Variants in LMX1A observed in about 807,000 individuals in gnomAD.
LMX1A encodes the protein LIM homeobox transcription factor 1 alpha.
Under a neutral mutation model 49.1 loss-of-function variants are expected in LMX1A, and 15 were observed. That is an observed-to-expected ratio of 0.31 (90% confidence interval 0.20 to 0.47). LMX1A has a LOEUF of 0.47. LMX1A is among the 20% of genes least tolerant of loss of function. LMX1A has a pLI of 1.00. For synonymous variants in LMX1A, 167 were observed against 185.7 expected (o/e 0.90, Z 0.82); for missense variants, 372 against 475.8 (o/e 0.78, Z 2.03).
chr1:165,298,055 C>A (rs533186591), intron 3 of LMX1A, among the ~76,000 whole-genome samples: 1 of 152,306 alleles, frequency 6.6e-6, no homozygotes, highest in East Asian at 1.9e-4. Flanking sequence ...GAAGAAGTAA[C>A]CTTACAGGAC....
intron 3 of LMX1A, among the ~76,000 whole-genome samples, chr1:165,259,013 C>T (rs1653342057): frequency 6.6e-6 from 1 of 152,188 alleles, no homozygotes; most frequent in Admixed American, 6.5e-5. Flanking sequence ...ACTAGCTGCT[C>T]TCAATAAGTA....
chr1:165,293,738 G>T (rs1253187685), intron 3 of LMX1A, among the ~76,000 whole-genome samples: 1 of 152,176 alleles, frequency 6.6e-6, no homozygotes, highest in East Asian at 1.9e-4. Flanking sequence ...TCTGGACAGT[G>T]CTTTCTTGCT....
chr1:165,249,056 A>G (rs1325458665), intron 4 of LMX1A, among the ~76,000 whole-genome samples: 2 of 152,164 alleles, frequency 1.3e-5, no homozygotes, highest in East Asian at 3.9e-4. Flanking sequence ...AACCTTGTCT[A>G]CAGGCTGGAG....
At chr1:165,241,729 C>T (rs1413702851) in intron 4 of LMX1A, among the ~76,000 whole-genome samples, 1 of 152,170 alleles carries the variant, frequency 6.6e-6, no homozygotes, top group African/African-American at 2.4e-5. Flanking sequence ...GAGTTAACTG[C>T]TGCTTCTCTA....
intron 4 of LMX1A, among the ~76,000 whole-genome samples, chr1:165,241,616 C>T (rs1403876902): frequency 1.3e-5 from 2 of 152,276 alleles, no homozygotes; most frequent in East Asian, 3.9e-4. Context: ...ATGAGACTTC[C>T]TCATAACTTC....
intron 3 of LMX1A, among the ~76,000 whole-genome samples, chr1:165,257,451 G>T (rs991253141): frequency 6.8e-6 from 1 of 146,052 alleles, no homozygotes; most frequent in African/African-American, 2.6e-5. Flanking sequence ...AAAAAAAAAA[G>T]TTGATCCCTT....
chr1:165,294,114 A>G (rs574179775), intron 3 of LMX1A, among the ~76,000 whole-genome samples: 1 of 152,322 alleles, frequency 6.6e-6, no homozygotes, highest in East Asian at 1.9e-4. Context: ...ATCAGTAGGG[A>G]CTAAGGTGGA....
At chr1:165,345,296 G>A (rs996649635) in intron 3 of LMX1A, among the ~76,000 whole-genome samples, 2 of 152,212 alleles carry the variant, frequency 1.3e-5, no homozygotes, top group Admixed American at 1.3e-4. Context: ...AATTAGAGAG[G>A]AAGCTGCTCC....
chr1:165,271,966 T>G (rs964791454), intron 3 of LMX1A, among the ~76,000 whole-genome samples: 1 of 152,234 alleles, frequency 6.6e-6, no homozygotes, highest in Non-Finnish European at 1.5e-5. Flanking sequence ...ATGGCTACCA[T>G]GTTGGACAGC....
At chr1:165,290,902 A>T (rs948472646) in intron 3 of LMX1A, among the ~76,000 whole-genome samples, 8 of 152,182 alleles carry the variant, frequency 5.3e-5, no homozygotes, top group Admixed American at 1.3e-4. Context: ...GGTGATTCTG[A>T]TGCACATAAT....
At chr1:165,280,292 CA>C (rs926275318) in intron 3 of LMX1A, among the ~76,000 whole-genome samples, 4 of 152,172 alleles carry the variant, frequency 2.6e-5, no homozygotes, top group African/African-American at 9.7e-5. Flanking sequence ...ACCTCGGACT[CA>C]GGGAGGCTTA....
At chr1:165,281,008 G>A (rs1275429404) in intron 3 of LMX1A, among the ~76,000 whole-genome samples, 1 of 152,104 alleles carries the variant, frequency 6.6e-6, no homozygotes, top group East Asian at 1.9e-4. Context: ...TCTGCAGAAG[G>A]TGGCACCATC....
At chr1:165,238,529 T>C (rs1274320696) in intron 4 of LMX1A, among the ~76,000 whole-genome samples, 2 of 150,324 alleles carry the variant, frequency 1.3e-5, no homozygotes, top group Non-Finnish European at 1.5e-5. Context: ...ATGAGAAGTA[T>C]AGTGATAGTG....
At chr1:165,266,446 T>C (rs1653619133) in intron 3 of LMX1A, among the ~76,000 whole-genome samples, 1 of 152,022 alleles carries the variant, frequency 6.6e-6, no homozygotes, top group Admixed American at 6.6e-5. Context: ...GAGCTGAGAT[T>C]AGAGAATTTA....
intron 3 of LMX1A, among the ~76,000 whole-genome samples, chr1:165,295,495 C>A (rs1358107147): frequency 1.4e-5 from 2 of 147,628 alleles, no homozygotes; most frequent in African/African-American, 4.9e-5. Context: ...GGAGACATAA[C>A]ATAATGACAT....
intron 3 of LMX1A, among the ~76,000 whole-genome samples, chr1:165,323,574 G>A (rs986458670): frequency 6.6e-6 from 1 of 152,264 alleles, no homozygotes; most frequent in East Asian, 1.9e-4. Flanking sequence ...CAGATGCCAC[G>A]TAAAGTCACC....
At chr1:165,255,046 C>T (rs750329664) in intron 3 of LMX1A, among the ~76,000 whole-genome samples, 2 of 152,198 alleles carry the variant, frequency 1.3e-5, no homozygotes, top group Non-Finnish European at 2.9e-5. Flanking sequence ...CTCTATTGAT[C>T]ACTCTCTGTG....
rs118158741 is a variant in LMX1A, at chr1:165,313,596, C to T, written c.263+39480G>A. Among the ~76,000 whole-genome samples, 53 of 151,522 alleles carry T rather than the reference C, an allele frequency of 3.5e-4. No individual in the cohort carries two copies. In the East Asian group the frequency reaches 7.6e-3, roughly 22 times the overall value. On this transcript the variant is annotated intron_variant, in intron 3 of 8. Coordinates refer to ENST00000342310, the MANE Select transcript of LMX1A (RefSeq NM_177398.4). ...AGCAACAAAAAATGGTATGGAATCC[C>T]AGGCTGGAAACTTCAGGGAGCTATT...
chr1:165,240,662 A>C (rs536819612), intron 4 of LMX1A, among the ~76,000 whole-genome samples: 1 of 152,344 alleles, frequency 6.6e-6, no homozygotes, highest in Admixed American at 6.5e-5. Flanking sequence ...TAACAGAGTA[A>C]TGCTAGCAGG....
Sources: allele counts gnomAD v4.1 joint callset (sites outside exome capture counted in the v4.1 genomes callset), GRCh38; gene constraint gnomAD v4.1.1; transcripts MANE v1.5; gene names NCBI Gene and HGNC (gene_info 2026-07-23, HGNC 2026-07-21).